The following EBF2 variants were observed in gnomAD, a reference collection of about 807,000 sequenced individuals.
EBF2 encodes the protein EBF transcription factor 2.
A neutral mutation model predicts 72.8 loss-of-function variants in EBF2; 21 were observed. The observed-to-expected ratio is 0.29, with a 90% CI of 0.20 to 0.42. The LOEUF is 0.42. Among genes scored for constraint, EBF2 ranks in the 10% least tolerant of loss-of-function variants. The pLI is 1.00. For missense variants in EBF2, 637 were observed against 731.2 expected (o/e 0.87, Z 1.49); for synonymous variants, 299 against 274.2 (o/e 1.09, Z -0.89).
At chr8:26,011,738 G>A (rs1805025742) in intron 6 of EBF2, among the ~76,000 whole-genome samples, 2 of 151,964 alleles carry the variant, frequency 1.3e-5, no homozygotes, top group Non-Finnish European at 2.9e-5. Context: ...CCGCTCTGTG[G>A]TGCCCCTCCC....
intron 6 of EBF2, among the ~76,000 whole-genome samples, chr8:25,980,314 G>T (rs1280252157): frequency 1.3e-5 from 2 of 152,152 alleles, no homozygotes; most frequent in African/African-American, 4.8e-5. Flanking sequence ...AAACGTGTAA[G>T]GAGCTGTTGA....
In EBF2 at chr8:26,041,151, T is replaced by C. The variant is rs1225498457; in HGVS notation, c.289-149A>G. On this transcript the variant is annotated intron_variant, in intron 2 of 15. Transcript: ENST00000520164. ...CTGTTCAGCCCTAGGTCAAAGGGCA[T>C]GAGCATCTGCCTGTCCTTGGCCGCC... is the stretch of plus-strand genomic sequence containing the variant. The C allele has an allele frequency of 3.5e-6, 3 of 860,758 alleles. No individual in the cohort carries two copies. In the African/African-American group the frequency reaches 5.0e-5, roughly 14 times the overall value. The allele number at this position is 860,758 out of a possible 1,614,324, so 53.3% of individuals were successfully genotyped here.
intron 8 of EBF2, 79 bp from the exon 9 acceptor site, chr8:25,888,051 A>G: frequency 4.7e-6 from 7 of 1,483,964 alleles, no homozygotes; most frequent in Non-Finnish European, 6.3e-6. Flanking sequence ...CCCACATTGG[A>G]AGAAGAATTG....
intron 7 of EBF2, among the ~76,000 whole-genome samples, chr8:25,893,497 A>G (rs1283155111): frequency 6.6e-6 from 1 of 151,858 alleles, no homozygotes; most frequent in Non-Finnish European, 1.5e-5. Context: ...AGGCTGGTCT[A>G]GAGCTTCTTA....
intron 7 of EBF2, among the ~76,000 whole-genome samples, chr8:25,898,475 T>C (rs949332442): frequency 6.6e-6 from 1 of 151,884 alleles, no homozygotes; most frequent in African/African-American, 2.4e-5. Context: ...CAGCTTTTCA[T>C]GTCATTGAGG....
At chr8:26,034,715 C>A (rs1805468251) in intron 5 of EBF2, among the ~76,000 whole-genome samples, 1 of 152,162 alleles carries the variant, frequency 6.6e-6, no homozygotes, top group Non-Finnish European at 1.5e-5. Flanking sequence ...AAGGATGTAG[C>A]CTTGACATGG....
At chr8:26,037,532 G>A (rs1033218985) in intron 5 of EBF2, among the ~76,000 whole-genome samples, 1 of 152,186 alleles carries the variant, frequency 6.6e-6, no homozygotes, top group African/African-American at 2.4e-5. Flanking sequence ...AAAGACACTG[G>A]CCCCACTGCC....
At chr8:25,992,738 A>T (rs928311202) in intron 6 of EBF2, among the ~76,000 whole-genome samples, 11 of 151,962 alleles carry the variant, frequency 7.2e-5, no homozygotes, top group African/African-American at 2.7e-4. Context: ...CTTCATCGCT[A>T]CAAAAAAATA....
chr8:25,909,406 T>TAAAAA (rs5890265), intron 6 of EBF2, among the ~76,000 whole-genome samples: 1 of 147,446 alleles, frequency 6.8e-6, no homozygotes, highest in African/African-American at 2.5e-5. Flanking sequence ...TCCTTTCCCT[T>TAAAAA]AAAAAAAAAA....
chr8:26,042,133 C>T lies in EBF2; in HGVS notation c.250G>A (p.Glu84Lys), dbSNP rs1426045002. ...YDRQGQPVEI[E>K]RTAFVDFVEN... Reference sequence around the variant, plus strand: ...ACAAAGTCCACGAAGGCCGTCCGCTCGATCTCCACCGGCTGGCCCTGCCTG... The same window carrying T: ...ACAAAGTCCACGAAGGCCGTCCGCTTGATCTCCACCGGCTGGCCCTGCCTG... Residue 84 changes from glutamate to lysine, a missense_variant, in exon 2 of 16, where the codon GAG becomes AAG. Glu to Lys is a moderately conservative substitution (Grantham distance 56, BLOSUM62 1). Around this residue, in one of 3 missense-constraint regions of EBF2, gnomAD observed 174 missense variants for 161.9 expected, o/e 1.07. Coordinates refer to ENST00000520164, the MANE Select transcript of EBF2 (RefSeq NM_022659.4). 2 of 1,612,782 alleles carry T rather than the reference C, an allele frequency of 1.2e-6. No homozygotes were observed. Among genetic ancestry groups the T allele is most frequent in the Admixed American group, 1.7e-5 (1 of 59,936 alleles).
intron 8 of EBF2, among the ~76,000 whole-genome samples, chr8:25,889,267 C>T (rs1045862763): frequency 2.6e-5 from 4 of 152,106 alleles, no homozygotes; most frequent in African/African-American, 9.7e-5. Flanking sequence ...TTAACAGTTA[C>T]CGGTATTTCT....
chr8:25,850,714 G>A lies in EBF2; in HGVS notation c.1576C>T (p.Leu526Phe), dbSNP rs772176552. The change falls in exon 15 of 16, where the codon CTC (leucine) becomes TTC (phenylalanine). Residue 526 changes from leucine to phenylalanine, a missense_variant. By Grantham distance (22) the Leu-to-Phe change is conservative (BLOSUM62 0). This residue lies in a region of EBF2 where 259 missense variants were observed against 268.1 expected (regional missense o/e 0.97). Coordinates refer to ENST00000520164, the MANE Select transcript of EBF2 (RefSeq NM_022659.4). ...TVGSSSTSSI[L>F]PFSSSVFPAV... ...GGAAAAACTGAAGAGGAAAATGGGAGGATGGAGGATGTGCTGGAAGACCCA... is the reference window on the plus strand; with the variant it reads ...GGAAAAACTGAAGAGGAAAATGGGAAGATGGAGGATGTGCTGGAAGACCCA... 13 of 1,558,892 alleles carry A rather than the reference G, an allele frequency of 8.3e-6. No individual in the cohort carries two copies. Among genetic ancestry groups the A allele is most frequent in the Middle Eastern group, 3.4e-4 (2 of 5,920 alleles).
At chr8:25,849,392 G>A (rs1408066166) in intron 15 of EBF2, among the ~76,000 whole-genome samples, 1 of 152,118 alleles carries the variant, frequency 6.6e-6, no homozygotes, top group Non-Finnish European at 1.5e-5. Flanking sequence ...AAAGAATTAA[G>A]AACCCACACT....
chr8:25,973,953 C>T (rs1804228594), intron 6 of EBF2, among the ~76,000 whole-genome samples: 1 of 152,182 alleles, frequency 6.6e-6, no homozygotes, highest in Non-Finnish European at 1.5e-5. Flanking sequence ...GCTGGGATTA[C>T]AGGTGTGAGC....
chr8:25,896,632 C>G (rs1219931342), intron 7 of EBF2, among the ~76,000 whole-genome samples: 1 of 152,034 alleles, frequency 6.6e-6, no homozygotes, highest in Non-Finnish European at 1.5e-5. Context: ...TATTTTCCAC[C>G]TGTGGAAGGA....
At chr8:25,924,982 G>A (rs1293391771) in intron 6 of EBF2, among the ~76,000 whole-genome samples, 2 of 152,138 alleles carry the variant, frequency 1.3e-5, no homozygotes, top group African/African-American at 4.8e-5. Context: ...CCTTTTCCCA[G>A]ACCTGTTTTT....
Position 26,005,477 on chromosome 8 carries a change from A to ATAAAATATAATATATAT in EBF2, c.551+27607_551+27608insATATATATTATATTTTA, listed in dbSNP as rs1563205962. On this transcript the variant is annotated intron_variant, in intron 6 of 15. Coordinates refer to ENST00000520164, the MANE Select transcript of EBF2 (RefSeq NM_022659.4). ...ATTATATATTATAAAATATAATATT[A>ATAAAATATAATATATAT]TTTATAAAATATATATTATAAAATA... Among the ~76,000 whole-genome samples the ATAAAATATAATATATAT allele has an allele frequency of 7.8e-3, 70 of 8,988 alleles. 1 individual carries two copies. Among genetic ancestry groups the ATAAAATATAATATATAT allele is most frequent in the African/African-American group, 0.041 (63 of 1,524 alleles). 5.9% of individuals were successfully genotyped at this position (8,988 alleles called of 152,430 possible).
At chr8:25,954,853 A>G (rs543907639) in intron 6 of EBF2, among the ~76,000 whole-genome samples, 2 of 152,276 alleles carry the variant, frequency 1.3e-5, no homozygotes, top group South Asian at 2.1e-4. Flanking sequence ...TGCACTTTTA[A>G]TTATACCATG....
chr8:26,012,633 A>G (rs183982542), intron 6 of EBF2, among the ~76,000 whole-genome samples: 1 of 152,198 alleles, frequency 6.6e-6, no homozygotes, highest in South Asian at 2.1e-4. Flanking sequence ...TAGCTTTTCC[A>G]CTAATGGACA....
Sources: gnomAD v4.1 joint callset for allele counts (sites outside exome capture counted in the v4.1 genomes callset) on GRCh38, gnomAD v4.1.1 for gene constraint, gnomAD v4.1.1 regional missense constraint, MANE v1.5 for transcripts, NCBI Gene and HGNC (gene_info 2026-07-23, HGNC 2026-07-21) for gene names.